Variants in JAKMIP1 observed in about 807,000 individuals in gnomAD.
JAKMIP1 encodes the protein janus kinase and microtubule interacting protein 1, also known as janus kinase and microtubule-interacting protein 1.
A neutral mutation model predicts 113.0 loss-of-function variants in JAKMIP1; 33 were observed. That is an observed-to-expected ratio of 0.29 (90% CI 0.22 to 0.39). The LOEUF (loss-of-function observed/expected upper bound fraction) is 0.39. Ranked by LOEUF, JAKMIP1 falls within the 10% of genes least tolerant of loss-of-function variation. The pLI is 1.00. For missense variants in JAKMIP1, 813 were observed against 1,080.5 expected, an observed-to-expected ratio of 0.75 and a Z score of 3.47; for synonymous variants, 480 against 459.9, an observed-to-expected ratio of 1.04 and a Z score of -0.56.
At position 6,042,135 on chromosome 4, in the gene JAKMIP1, C is replaced by T; in HGVS notation, c.2097+24G>A. On this transcript the variant is annotated intron_variant, in intron 17 of 20. Transcript: ENST00000409021. The surrounding 1 kb of genome is among the most constrained non-coding windows in gnomAD (Gnocchi z 5.2). ...TGAGCTCTTTGAACCCTCTCCCCCA[C>T]CCCCAGGCAGTCAAATCTTTTACCT... 1.2e-6 allele frequency: 2 copies of T among 1,602,758 alleles called. No individual in the cohort carries two copies. The highest frequency in any genetic ancestry group is 1.7e-6 in the Non-Finnish European group (2 of 1,169,834).
intron 1 of JAKMIP1, among the ~76,000 whole-genome samples, chr4:6,118,436 G>A (rs950900506): frequency 1.3e-5 from 2 of 152,158 alleles, no homozygotes; most frequent in African/African-American, 4.8e-5. Flanking sequence ...GCTGGGACAA[G>A]GGGCATGTGG....
At chr4:6,110,113 A>G (rs1714673496) in intron 2 of JAKMIP1, among the ~76,000 whole-genome samples, 1 of 152,104 alleles carries the variant, frequency 6.6e-6, no homozygotes, top group African/African-American at 2.4e-5. Flanking sequence ...GTGGGGCTAA[A>G]CTGTGTCCCC....
At chr4:6,075,910 C>T (rs1560146993) in intron 8 of JAKMIP1, among the ~76,000 whole-genome samples, 2 of 152,204 alleles carry the variant, frequency 1.3e-5, no homozygotes, top group South Asian at 2.1e-4. Flanking sequence ...GTTGCAGCTG[C>T]TCATGCCTGT....
intron 19 of JAKMIP1, among the ~76,000 whole-genome samples, chr4:6,030,705 G>A (rs1234721484): frequency 2.0e-5 from 3 of 152,216 alleles, no homozygotes; most frequent in Admixed American, 6.5e-5. Flanking sequence ...AAGGGTGGAC[G>A]ATTTCAGCCA....
chr4:6,043,418 C>T lies in JAKMIP1; in HGVS notation c.2029-1191G>A, dbSNP rs191794999. Among the ~76,000 whole-genome samples, 147 of 152,132 alleles carry T rather than the reference C, an allele frequency of 9.7e-4. 2 individuals carry two copies. The highest frequency in any genetic ancestry group is 3.5e-3 in the African/African-American group (145 of 41,498). ...TCGTGAGGTCCTGGAGCCCTGCCCT[C>T]GGCCTTCTCCACCTTACTCTGCCCT... On this transcript the variant is annotated intron_variant, in intron 16 of 20. Coordinates refer to ENST00000409021, the MANE Select transcript of JAKMIP1 (RefSeq NM_001099433.2).
intron 9 of JAKMIP1, 72 bp from the exon 10 acceptor site, chr4:6,062,512 T>A (rs1320931918): frequency 7.1e-5 from 106 of 1,493,420 alleles, no homozygotes; most frequent in Non-Finnish European, 9.2e-6. Flanking sequence ...TGATTGATTT[T>A]AATAATAAAC....
chr4:6,050,055 G>C lies in JAKMIP1; in HGVS notation c.1909-183C>G, dbSNP rs1715461088. Among the ~76,000 whole-genome samples, 1 of 152,182 alleles carries C rather than the reference G, an allele frequency of 6.6e-6. No homozygotes were observed. The highest frequency in any genetic ancestry group is 1.5e-5 in the Non-Finnish European group (1 of 68,040). On this transcript the variant is annotated intron_variant, in intron 14 of 20. Coordinates refer to ENST00000409021, the MANE Select transcript of JAKMIP1 (RefSeq NM_001099433.2). The surrounding 1 kb of genome is among the most constrained non-coding windows in gnomAD (Gnocchi z 7.4). The stretch of plus-strand genomic sequence containing the variant: ...GAGAAGGCATAACTGCTGCTCATTT[G>C]CTGAGTGTTACACCAGCACAAACAC...
At chr4:6,195,983 CTG>C (rs1727783381) in intron 1 of JAKMIP1, among the ~76,000 whole-genome samples, 2 of 152,228 alleles carry the variant, frequency 1.3e-5, no homozygotes, top group African/African-American at 4.8e-5. Flanking sequence ...CACATGTTAA[CTG>C]TTATAATGAA....
chr4:6,091,731 C>T (rs184544960), intron 3 of JAKMIP1, among the ~76,000 whole-genome samples: 7 of 152,334 alleles, frequency 4.6e-5, no homozygotes, highest in Non-Finnish European at 8.8e-5. Flanking sequence ...TATTGGTGTG[C>T]TTGCACTGTC....
chr4:6,148,507 C>T (rs28532546), intron 1 of JAKMIP1, among the ~76,000 whole-genome samples: 6,671 of 152,248 alleles, frequency 0.044, 338 homozygotes, highest in African/African-American at 0.13. Flanking sequence ...TTTGTGTGGG[C>T]ACGGACTCTG....
intron 8 of JAKMIP1, among the ~76,000 whole-genome samples, chr4:6,072,391 G>C (rs1719091971): frequency 6.6e-6 from 1 of 152,212 alleles, no homozygotes; most frequent in Non-Finnish European, 1.5e-5. Context: ...CAGCTGGCGA[G>C]GCTGGGACAA....
In JAKMIP1 at chr4:6,049,805, T is replaced by C. The variant is rs1178563613; in HGVS notation, c.1962+14A>G. 20 of 1,599,710 alleles carry C rather than the reference T, an allele frequency of 1.3e-5. No individual in the cohort carries two copies. The highest frequency in any genetic ancestry group is 1.6e-5 in the Non-Finnish European group (19 of 1,167,286). ...ACAAGAACACGAAAGCAGAAACCGA[T>C]CGCTCATAGTTACCCCGTTATCGCC... On this transcript the variant is annotated intron_variant, in intron 15 of 20. Coordinates refer to ENST00000409021, the MANE Select transcript of JAKMIP1 (RefSeq NM_001099433.2). This position sits in a 1 kb window ranked among gnomAD's most constrained non-coding sequence, Gnocchi z 7.0.
Position 6,123,045 on chromosome 4 carries a change from C to T in JAKMIP1, c.-147-10048G>A, listed in dbSNP as rs551049238. Among the ~76,000 whole-genome samples the T allele has an allele frequency of 6.6e-5, 10 of 152,318 alleles. 1 individual carries two copies. In the South Asian group the frequency reaches 1.5e-3, roughly 22 times the overall value. Reference sequence around the variant, plus strand: ...ATTGCAAACTACAAAACCCTTTAAACGAAAGATGTCACTTGTTAACATTCT... The same window carrying T: ...ATTGCAAACTACAAAACCCTTTAAATGAAAGATGTCACTTGTTAACATTCT... On this transcript the variant is annotated intron_variant, in intron 1 of 20. Coordinates refer to ENST00000409021, the MANE Select transcript of JAKMIP1 (RefSeq NM_001099433.2).
At chr4:6,084,476 T>G (rs899313410) in intron 5 of JAKMIP1, among the ~76,000 whole-genome samples, 1 of 152,210 alleles carries the variant, frequency 6.6e-6, no homozygotes, top group Non-Finnish European at 1.5e-5. Context: ...CTAGAATTCA[T>G]TGTATAAATA....
Position 6,108,003 on chromosome 4 carries a change from G to T in JAKMIP1, c.130-2036C>A, listed in dbSNP as rs1241204941. Reference sequence around the variant, plus strand: ...TGTGAGAGACACAGGTAGAAAGGGGGTGAGGAACATGGAAGGGTGGGCAGA... The same window carrying T: ...TGTGAGAGACACAGGTAGAAAGGGGTTGAGGAACATGGAAGGGTGGGCAGA... On this transcript the variant is annotated intron_variant, in intron 2 of 20. Coordinates refer to ENST00000409021, the MANE Select transcript of JAKMIP1 (RefSeq NM_001099433.2). The surrounding 1 kb of genome is among the most constrained non-coding windows in gnomAD (Gnocchi z 5.6). Among the ~76,000 whole-genome samples, 1 of 152,190 alleles carries T rather than the reference G, an allele frequency of 6.6e-6. No homozygotes were observed. Among genetic ancestry groups the T allele is most frequent in the Non-Finnish European group, 1.5e-5 (1 of 68,034 alleles).
In JAKMIP1 at chr4:6,177,422, T is replaced by C. The variant is rs536165517; in HGVS notation, c.-148+22831A>G. Among the ~76,000 whole-genome samples, 45 of 152,308 alleles carry C rather than the reference T, an allele frequency of 3.0e-4. No individual in the cohort carries two copies. In the South Asian group the frequency reaches 9.3e-3, roughly 32 times the overall value. On this transcript the variant is annotated intron_variant, in intron 1 of 20. Transcript: ENST00000409021. ...TCAAACTTAGCCTAGTAAAGGTTTA[T>C]AAGCCACATCATCACCTACTCCAAC...
chr4:6,086,970 C>T lies in JAKMIP1; in HGVS notation c.625-1341G>A, dbSNP rs1018386287. Among the ~76,000 whole-genome samples the T allele has an allele frequency of 1.3e-5, 2 of 152,100 alleles. No individual in the cohort carries two copies. Among genetic ancestry groups the T allele is most frequent in the Non-Finnish European group, 2.9e-5 (2 of 68,030 alleles). Reference sequence around the variant, plus strand: ...AGCCTTAGGGGGAAGTGTGGGCATGCAGACACCTTGATTTCAATCTCCTGG... The same window carrying T: ...AGCCTTAGGGGGAAGTGTGGGCATGTAGACACCTTGATTTCAATCTCCTGG... On this transcript the variant is annotated intron_variant, in intron 3 of 20. Coordinates refer to ENST00000409021, the MANE Select transcript of JAKMIP1 (RefSeq NM_001099433.2). This position sits in a 1 kb window ranked among gnomAD's most constrained non-coding sequence, Gnocchi z 4.1.
In JAKMIP1 at chr4:6,184,402, C is replaced by A. The variant is rs1726405474; in HGVS notation, c.-148+15851G>T. Among the ~76,000 whole-genome samples the A allele has an allele frequency of 6.6e-6, 1 of 152,186 alleles. No individual in the cohort carries two copies. The highest frequency in any genetic ancestry group is 1.5e-5 in the Non-Finnish European group (1 of 68,034). ...TGGTTTTCAGACTCTGCCGCCTTCCCTCCTTTCCTAGAAATGACAATACAG... is the reference window on the plus strand; with the variant it reads ...TGGTTTTCAGACTCTGCCGCCTTCCATCCTTTCCTAGAAATGACAATACAG... On this transcript the variant is annotated intron_variant, in intron 1 of 20. Transcript: ENST00000409021. This position sits in a 1 kb window ranked among gnomAD's most constrained non-coding sequence, Gnocchi z 4.5.
At chr4:6,098,789 T>A (rs73198053) in intron 3 of JAKMIP1, among the ~76,000 whole-genome samples, 65,533 of 149,648 alleles carry the variant, frequency 0.44, 16,889 homozygotes, top group East Asian at 0.75. Context: ...GAAAGAAAGA[T>A]TGATTCCTGA....
Sources: gnomAD v4.1 joint callset for allele counts (sites outside exome capture counted in the v4.1 genomes callset) on GRCh38, gnomAD v4.1.1 for gene constraint, Gnocchi (gnomAD v3.1) non-coding constraint, MANE v1.5 for transcripts, NCBI Gene and HGNC (gene_info 2026-07-23, HGNC 2026-07-21) for gene names.